PRUNE2: variants seen among roughly 807,000 people sequenced by gnomAD.
PRUNE2 encodes protein prune homolog 2.
PRUNE2 carries 164 observed loss-of-function variants against 252.0 expected under a neutral mutation model. That is an observed-to-expected ratio of 0.65 (90% CI 0.57 to 0.74). The LOEUF (loss-of-function observed/expected upper bound fraction) is 0.74, where lower values mean the gene tolerates loss of function less well. Among genes scored for constraint, PRUNE2 ranks in the 30% least tolerant of loss-of-function variants. PRUNE2 has a pLI of 0.00. For synonymous variants in PRUNE2, 1,292 were observed against 1,350.2 expected (o/e 0.96, Z 0.94); for missense variants, 3,495 against 3,711.0 (o/e 0.94, Z 1.51).
intron 6 of PRUNE2, among the ~76,000 whole-genome samples, chr9:76,727,484 T>C (rs937206506): frequency 3.3e-5 from 5 of 152,172 alleles, no homozygotes; most frequent in Admixed American, 6.5e-5. Context: ...TTAGTTTAGA[T>C]TGCTGTGCTT....
intron 11 of PRUNE2, among the ~76,000 whole-genome samples, chr9:76,645,369 G>A (rs967901560): frequency 6.6e-6 from 1 of 152,264 alleles, no homozygotes; most frequent in African/African-American, 2.4e-5. Flanking sequence ...GCTTGGAATC[G>A]TGATGATACT....
rs186836727 is a variant in PRUNE2 at position 76,874,657 on chromosome 9, A to G, written c.37-20449T>C. ...GCTGCTTAATTTAGAATTAACATTT[A>G]AAGGAACCAGACATAAATTTTAATA... On this transcript the variant is annotated intron_variant, in intron 1 of 18. Transcript: ENST00000376718. 5.9e-3 allele frequency among the ~76,000 whole-genome samples: 892 copies of G among 152,364 alleles called. 10 individuals are homozygous for G. The highest frequency in any genetic ancestry group is 0.021 in the African/African-American group (860 of 41,582).
intron 9 of PRUNE2, among the ~76,000 whole-genome samples, chr9:76,662,785 G>A (rs1007366657): frequency 2.0e-5 from 3 of 152,148 alleles, no homozygotes; most frequent in African/African-American, 2.4e-5. Context: ...AAATACTGAC[G>A]GTTATGCTGA....
intron 17 of PRUNE2, among the ~76,000 whole-genome samples, chr9:76,620,414 T>C (rs1213953574): frequency 6.6e-6 from 1 of 152,186 alleles, no homozygotes. Context: ...GTGCTGGGAT[T>C]ACAGGCGTGA....
intron 1 of PRUNE2, among the ~76,000 whole-genome samples, chr9:76,890,603 C>T (rs1269658000): frequency 6.6e-6 from 1 of 152,180 alleles, no homozygotes; most frequent in East Asian, 1.9e-4. Flanking sequence ...CAGATCACAT[C>T]AGTCTCTCAG....
rs750344606 is a variant in PRUNE2 at position 76,711,364 on chromosome 9, G to A, written c.916-6C>T. ...TCTTCCAGCTCACAGCAAATCTGTC[G>A]GAAGGCACAGGAATTTGTGTCAGCA... is the stretch of plus-strand genomic sequence containing the variant. On this transcript the variant is annotated splice_region_variant and splice_polypyrimidine_tract_variant and intron_variant, in intron 7 of 18. Transcript: ENST00000376718. 46 of 1,592,708 alleles carry A rather than the reference G, an allele frequency of 2.9e-5. 1 individual carries two copies. The highest frequency in any genetic ancestry group is 4.5e-5 in the East Asian group (2 of 44,580).
At chr9:76,687,095 C>T (rs1278792714) in intron 9 of PRUNE2, among the ~76,000 whole-genome samples, 5 of 152,142 alleles carry the variant, frequency 3.3e-5, no homozygotes, top group Admixed American at 3.3e-4. Context: ...GGAAAACTTC[C>T]CCATGGCCAG....
intron 9 of PRUNE2, among the ~76,000 whole-genome samples, chr9:76,669,374 C>T (rs2040860157): frequency 6.6e-6 from 1 of 151,986 alleles, no homozygotes; most frequent in African/African-American, 2.4e-5. Context: ...GGCTGGAGTG[C>T]AGTGGCGTGA....
chr9:76,821,769 T>C (rs2058049566), intron 6 of PRUNE2, among the ~76,000 whole-genome samples: 1 of 152,196 alleles, frequency 6.6e-6, no homozygotes. Context: ...GATTATTTTA[T>C]CACTTATTCT....
At chr9:76,829,170 TCA>T (rs1490457658) in intron 4 of PRUNE2, among the ~76,000 whole-genome samples, 1 of 152,120 alleles carries the variant, frequency 6.6e-6, no homozygotes, top group Non-Finnish European at 1.5e-5. Flanking sequence ...TGTGAAAGTA[TCA>T]CAGAGTTACC....
chr9:76,857,039 C>A lies in PRUNE2; in HGVS notation c.37-2831G>T. The A allele has an allele frequency of 6.6e-6, 3 of 455,760 alleles. No homozygotes were observed. The Admixed American group carries it at 7.0e-5, about 11-fold the overall frequency. 28.2% of individuals were successfully genotyped at this position (455,760 alleles called of 1,614,324 possible). A position where few individuals can be genotyped will look rare whatever the true frequency, so the allele number is the denominator to read the frequency against. The stretch of plus-strand genomic sequence containing the variant: ...AAAGTACTGGGATTACAGGCGTGAG[C>A]CACCGCGCCTGGCCAACATGTCTCT... On this transcript the variant is annotated intron_variant, in intron 1 of 18. Coordinates refer to ENST00000376718, the MANE Select transcript of PRUNE2 (RefSeq NM_015225.3).
Position 76,844,767 on chromosome 9 carries a change from C to T in PRUNE2, c.508+1748G>A, listed in dbSNP as rs55973207. Among the ~76,000 whole-genome samples the T allele has an allele frequency of 5.3e-5, 8 of 152,242 alleles. No homozygotes were observed. In the South Asian group the frequency reaches 1.7e-3, roughly 32 times the overall value. On this transcript the variant is annotated intron_variant, in intron 4 of 18. Transcript: ENST00000376718. The stretch of plus-strand genomic sequence containing the variant: ...TTCACAGGTAGAAGCTCTTCATCCT[C>T]TCACATTCCAGTTTCCAAGAGATAA...
At chr9:76,881,642 G>A (rs1446422369) in intron 1 of PRUNE2, among the ~76,000 whole-genome samples, 3 of 146,436 alleles carry the variant, frequency 2.0e-5, no homozygotes, top group Non-Finnish European at 3.0e-5. Flanking sequence ...TTTTCCCCAA[G>A]ATGGAGTCTC....
chr9:76,678,649 G>A (rs1190987264), intron 9 of PRUNE2, among the ~76,000 whole-genome samples: 4 of 151,836 alleles, frequency 2.6e-5, no homozygotes, highest in Non-Finnish European at 5.9e-5. Context: ...CTAACACGGT[G>A]AAACCTCGCC....
At chr9:76,849,828 A>AAAAACAAAAC (rs112402365) in intron 3 of PRUNE2, among the ~76,000 whole-genome samples, 24 of 151,048 alleles carry the variant, frequency 1.6e-4, no homozygotes, top group Admixed American at 5.3e-4. Flanking sequence ...TCTGTCTCAA[A>AAAAACAAAAC]AAAACAAAAC....
At chr9:76,670,210 G>A (rs373224225) in intron 9 of PRUNE2, among the ~76,000 whole-genome samples, 6 of 152,282 alleles carry the variant, frequency 3.9e-5, no homozygotes, top group East Asian at 3.9e-4. Flanking sequence ...TGCGCGAGCC[G>A]AAGCAGGGCG....
rs566677378 is a variant in PRUNE2, at chr9:76,892,479, C to CA, written c.36+13448dup. Among the ~76,000 whole-genome samples, 264 of 152,232 alleles carry CA rather than the reference C, an allele frequency of 1.7e-3. 1 individual carries two copies. The highest frequency in any genetic ancestry group is 6.0e-3 in the African/African-American group (250 of 41,548). ...AAACAGGAGAAAATGTTTTTATGTG[C>CA]AAAGATGTTTGTCGTAGTAATTAAC... On this transcript the variant is annotated intron_variant, in intron 1 of 18. Coordinates refer to ENST00000376718, the MANE Select transcript of PRUNE2 (RefSeq NM_015225.3).
rs1247044983 is a variant in PRUNE2 at position 76,709,236 on chromosome 9, T to TGTTGCA, written c.3037_3038insTGCAAC (p.Pro1012_Gln1013insLeuGln). On this transcript the variant is annotated inframe_insertion, in exon 8 of 19. Coordinates refer to ENST00000376718, the MANE Select transcript of PRUNE2 (RefSeq NM_015225.3). ...ATTTCGAGATGACTGTTGCAGTGAC[T>TGTTGCA]GAGGAGGAATGTCAGTCTCCTCTGC... The TGTTGCA allele has an allele frequency of 6.2e-7, 1 of 1,613,952 alleles. No individual in the cohort carries two copies. Among genetic ancestry groups the TGTTGCA allele is most frequent in the South Asian group, 1.1e-5 (1 of 91,074 alleles).
intron 6 of PRUNE2, among the ~76,000 whole-genome samples, chr9:76,805,348 C>T (rs1438772843): frequency 2.0e-5 from 3 of 152,138 alleles, no homozygotes; most frequent in African/African-American, 2.4e-5. Flanking sequence ...TGGCTGCGCA[C>T]GGTGGCTCAC....
Sources: allele counts gnomAD v4.1 joint callset (sites outside exome capture counted in the v4.1 genomes callset), GRCh38; gene constraint gnomAD v4.1.1; transcripts MANE v1.5; gene names NCBI Gene and HGNC (gene_info 2026-07-23, HGNC 2026-07-21).